The following DPP6 variants were observed in gnomAD, a reference collection of about 807,000 sequenced individuals.
DPP6 encodes A-type potassium channel modulatory protein DPP6.
DPP6 carries 69 observed loss-of-function variants against 122.6 expected under a neutral mutation model. The observed-to-expected ratio is 0.56, with a 90% CI of 0.46 to 0.69. The LOEUF (loss-of-function observed/expected upper bound fraction) is 0.69, where lower values mean the gene tolerates loss of function less well. Among genes scored for constraint, DPP6 ranks in the 30% least tolerant of loss-of-function variants. DPP6 has a pLI of 0.00. For missense variants in DPP6, 928 were observed against 1,116.9 expected (o/e 0.83, Z 2.41); for synonymous variants, 418 against 433.1 (o/e 0.97, Z 0.43).
intron 1 of DPP6, among the ~76,000 whole-genome samples, chr7:154,085,964 G>A (rs148327111): frequency 0.36 from 54,812 of 151,704 alleles, 10,960 homozygotes; most frequent in East Asian, 0.47. Context: ...CTGACCTCGT[G>A]ATCTGCCTGC....
intron 1 of DPP6, among the ~76,000 whole-genome samples, chr7:154,185,665 T>G (rs982783030): frequency 6.6e-6 from 1 of 152,194 alleles, no homozygotes; most frequent in African/African-American, 2.4e-5. Flanking sequence ...TGAGCGCATC[T>G]AATAGATTTC....
At chr7:154,087,407 G>T (rs1398463100) in intron 1 of DPP6, among the ~76,000 whole-genome samples, 3 of 152,224 alleles carry the variant, frequency 2.0e-5, no homozygotes, top group Non-Finnish European at 4.4e-5. Flanking sequence ...TACTCTGTCT[G>T]CTCTCTACAG....
intron 1 of DPP6, among the ~76,000 whole-genome samples, chr7:154,070,016 CACTCCAGTCTGGGCAATAGAGCGAG>C (rs1217834145): frequency 1.3e-5 from 2 of 151,268 alleles, no homozygotes; most frequent in African/African-American, 4.8e-5. Context: ...TGTGCCACTG[CACTCCAGTCTGGGCAATAGAGCGAG>C]ACTCCGTCTC....
chr7:154,062,982 A>T (rs1802228983), intron 1 of DPP6, among the ~76,000 whole-genome samples: 1 of 124,552 alleles, frequency 8.0e-6, no homozygotes, highest in Non-Finnish European at 1.7e-5. Flanking sequence ...CTTACGTGGA[A>T]TTACTGAGAG....
At position 154,602,969 on chromosome 7, in the gene DPP6, T is replaced by C. The variant is rs549649304; in HGVS notation, c.628-34852T>C. ...TCTCAACTTTTGTTTATCTGAAGAA[T>C]TATTTCGCTTTCATTTTTTAAAGTT... is the stretch of plus-strand genomic sequence containing the variant. On this transcript the variant is annotated intron_variant, in intron 5 of 25. Transcript: ENST00000377770. 2.5e-5 allele frequency among the ~76,000 whole-genome samples: 2 copies of C among 81,022 alleles called. 1 individual carries two copies. Among genetic ancestry groups the C allele is most frequent in the Non-Finnish European group, 6.5e-5 (2 of 30,682 alleles). 53.2% of individuals were successfully genotyped at this position (81,022 alleles called of 152,430 possible).
At chr7:154,678,433 C>T (rs373703144) in intron 7 of DPP6, among the ~76,000 whole-genome samples, 7 of 152,024 alleles carry the variant, frequency 4.6e-5, no homozygotes, top group South Asian at 2.1e-4. Context: ...CAACTCTGGG[C>T]GCGCCACCTT....
Position 153,905,430 on chromosome 7 carries a change from T to C in DPP6, c.51+17696T>C, listed in dbSNP as rs114526275. Among the ~76,000 whole-genome samples the C allele has an allele frequency of 3.0e-3, 454 of 152,158 alleles. 4 individuals are homozygous for C. Among genetic ancestry groups the C allele is most frequent in the African/African-American group, 0.011 (438 of 41,524 alleles). ...GGGCCTCAGCAAAAGCAGATTGAGA[T>C]TATTATTATATTAACATAAGCATTG... On this transcript the variant is annotated intron_variant, in intron 1 of 25. Coordinates refer to the DPP6 transcript ENST00000404039.
At chr7:154,117,782 G>A (rs1807103772) in intron 1 of DPP6, among the ~76,000 whole-genome samples, 1 of 151,602 alleles carries the variant, frequency 6.6e-6, no homozygotes, top group Non-Finnish European at 1.5e-5. Flanking sequence ...TAGGATGTAG[G>A]AGATGCAGGT....
rs566938654 is a variant in DPP6 at position 153,977,635 on chromosome 7, G to A, written c.51+89901G>A. ...CAGTTTGTTATGTAGGTATACATGT[G>A]CCATGGTGGTTTGCTTCACCCATCA... On this transcript the variant is annotated intron_variant, in intron 1 of 25. Transcript: ENST00000404039. Among the ~76,000 whole-genome samples, 9 of 152,158 alleles carry A rather than the reference G, an allele frequency of 5.9e-5. No individual in the cohort carries two copies. In the South Asian group the frequency reaches 1.7e-3, roughly 28 times the overall value.
chr7:153,946,948 C>T (rs1327234689), intron 1 of DPP6, among the ~76,000 whole-genome samples: 4 of 152,004 alleles, frequency 2.6e-5, no homozygotes, highest in Admixed American at 6.6e-5. Flanking sequence ...TGAAGAGGAG[C>T]GGATCTAGAG....
At chr7:154,537,785 G>A (rs985829603) in intron 3 of DPP6, among the ~76,000 whole-genome samples, 2 of 151,628 alleles carry the variant, frequency 1.3e-5, no homozygotes, top group African/African-American at 4.8e-5. Flanking sequence ...GAGAGGAGAG[G>A]AGAGGGAAGA....
chr7:154,324,096 G>A (rs1436787697), intron 1 of DPP6, among the ~76,000 whole-genome samples: 1 of 152,124 alleles, frequency 6.6e-6, no homozygotes, highest in African/African-American at 2.4e-5. Flanking sequence ...GGACATAGTG[G>A]GTGGGGTTCG....
At chr7:154,104,860 C>A (rs561018395) in intron 1 of DPP6, among the ~76,000 whole-genome samples, 7 of 152,034 alleles carry the variant, frequency 4.6e-5, no homozygotes, top group African/African-American at 1.2e-4. Flanking sequence ...TCGTGGCATA[C>A]CTCTGTGTGT....
the DPP6 span, among the ~76,000 whole-genome samples, chr7:153,832,228 T>C: frequency 5.3e-5 from 8 of 152,234 alleles, no homozygotes; most frequent in Admixed American, 2.0e-4. Flanking sequence ...AGCTTAATTA[T>C]ATTACCAACC....
intron 4 of DPP6, among the ~76,000 whole-genome samples, chr7:154,550,119 T>C (rs570286355): frequency 6.6e-6 from 1 of 152,340 alleles, no homozygotes; most frequent in South Asian, 2.1e-4. Flanking sequence ...ATCCCATTTA[T>C]ATTTACCTAA....
intron 1 of DPP6, among the ~76,000 whole-genome samples, chr7:154,337,626 G>A (rs530164515): frequency 6.6e-6 from 1 of 152,254 alleles, no homozygotes; most frequent in African/African-American, 2.4e-5. Context: ...TCCTTACCCA[G>A]GCAGGCAGCC....
intron 1 of DPP6, among the ~76,000 whole-genome samples, chr7:154,167,877 G>C (rs1322214351): frequency 2.0e-5 from 3 of 152,186 alleles, no homozygotes; most frequent in African/African-American, 7.2e-5. Flanking sequence ...AGGCCTGCAG[G>C]CTCAGAGTGT....
chr7:154,616,501 AAC>A (rs1372992571), intron 5 of DPP6, among the ~76,000 whole-genome samples: 1 of 152,098 alleles, frequency 6.6e-6, no homozygotes. Context: ...TAAAAATGCA[AAC>A]ACAGAGAGTT....
At chr7:153,902,410 G>A (rs995228765) in intron 1 of DPP6, among the ~76,000 whole-genome samples, 1 of 152,104 alleles carries the variant, frequency 6.6e-6, no homozygotes, top group Non-Finnish European at 1.5e-5. Flanking sequence ...GGAGACAGGG[G>A]TTCTGTCTCC....
Sources: gnomAD v4.1 joint callset for allele counts (sites outside exome capture counted in the v4.1 genomes callset) on GRCh38, gnomAD v4.1.1 for gene constraint, MANE v1.5 for transcripts, NCBI Gene and HGNC (gene_info 2026-07-23, HGNC 2026-07-21) for gene names.